The following EPHA4 variants were observed in gnomAD, a reference collection of about 807,000 sequenced individuals.
EPHA4 encodes EPH receptor A4.
A neutral mutation model predicts 108.3 loss-of-function variants in EPHA4; 19 were observed. The observed-to-expected ratio is 0.18, with a 90% CI of 0.12 to 0.26. EPHA4 has a LOEUF of 0.26. Among genes scored for constraint, EPHA4 ranks in the 10% least tolerant of loss-of-function variants. The probability of loss-of-function intolerance (pLI) is 1.00; values close to 1 mark genes in which losing one functional copy is unlikely to be tolerated. For missense variants in EPHA4, 917 were observed against 1,254.0 expected, an observed-to-expected ratio of 0.73 and a Z score of 4.06; for synonymous variants, 449 against 455.5, an observed-to-expected ratio of 0.99 and a Z score of 0.18.
chr2:221,474,991 C>T (rs970723319), intron 5 of EPHA4, among the ~76,000 whole-genome samples: 1 of 152,128 alleles, frequency 6.6e-6, no homozygotes, highest in Admixed American at 6.6e-5. Context: ...GTGCCTCAGT[C>T]TCCTGAGTAG....
intron 3 of EPHA4, among the ~76,000 whole-genome samples, chr2:221,524,192 C>T (rs185861546): frequency 3.3e-5 from 5 of 152,320 alleles, no homozygotes; most frequent in Admixed American, 1.3e-4. Flanking sequence ...TGTCCAGCCA[C>T]GTCCGTGTGC....
chr2:221,522,766 TATTA>T (rs1559278114), intron 3 of EPHA4, among the ~76,000 whole-genome samples: 32 of 91,716 alleles, frequency 3.5e-4, no homozygotes, highest in African/African-American at 1.5e-3. Flanking sequence ...TTATTATTAT[TATTA>T]TTATTTTTTT....
At chr2:221,480,065 C>T (rs1456883692) in intron 5 of EPHA4, among the ~76,000 whole-genome samples, 1 of 150,708 alleles carries the variant, frequency 6.6e-6, no homozygotes, top group Non-Finnish European at 1.5e-5. Flanking sequence ...CCACCCCACC[C>T]CCGGAAATGT....
intron 3 of EPHA4, among the ~76,000 whole-genome samples, chr2:221,546,941 T>A (rs1336760467): frequency 6.6e-6 from 1 of 151,902 alleles, no homozygotes. Flanking sequence ...GCTAAGAGGC[T>A]AAAAAAATAA....
At position 221,419,473 on chromosome 2, in the gene EPHA4, A is replaced by C. The variant is rs765686968; in HGVS notation, c.*1899T>G. ...TCATCTCCAAAAGTATATGAATTGC[A>C]TATATTCGTTCGCATTCAACAAGTC... On this transcript the variant is annotated 3_prime_UTR_variant, in exon 18 of 18. Transcript: ENST00000281821. The C allele has an allele frequency of 3.3e-5, 5 of 152,666 alleles. No individual in the cohort carries two copies. The highest frequency in any genetic ancestry group is 5.9e-5 in the Non-Finnish European group (4 of 68,056). The allele number at this position is 152,666 out of a possible 1,614,324, so 9.5% of individuals were successfully genotyped here. A position where few individuals can be genotyped will look rare whatever the true frequency, so the allele number is the denominator to read the frequency against.
At chr2:221,564,533 A>T in intron 2 of EPHA4, 139 bp from the exon 3 acceptor site, 1 of 817,734 alleles carries the variant, frequency 1.2e-6, no homozygotes, top group Middle Eastern at 2.5e-4. Context: ...ATCATCACTA[A>T]TAAAGGATCT....
chr2:221,559,579 A>C (rs941045157), intron 3 of EPHA4, among the ~76,000 whole-genome samples: 5 of 152,336 alleles, frequency 3.3e-5, no homozygotes, highest in Admixed American at 2.0e-4. Context: ...TAAATTAAAA[A>C]AAAATTTAAT....
chr2:221,426,706 G>A, intron 15 of EPHA4, 87 bp from the exon 16 acceptor site: 1 of 1,212,262 alleles, frequency 8.2e-7, no homozygotes, highest in Admixed American at 2.8e-5. Context: ...AAATAGGCAA[G>A]GAGAACTGAA....
chr2:221,433,094 G>A (rs1389168967), intron 14 of EPHA4, among the ~76,000 whole-genome samples: 1 of 152,104 alleles, frequency 6.6e-6, no homozygotes, highest in African/African-American at 2.4e-5. Context: ...AAAGTGCTGG[G>A]ATTACAGGCG....
chr2:221,549,480 GAGTA>G, intron 3 of EPHA4, among the ~76,000 whole-genome samples: 1 of 152,144 alleles, frequency 6.6e-6, no homozygotes, highest in Non-Finnish European at 1.5e-5. Flanking sequence ...ATAAAAAGGA[GAGTA>G]AAGCACCACA....
intron 17 of EPHA4, among the ~76,000 whole-genome samples, chr2:221,424,778 T>C (rs183714996): frequency 2.6e-4 from 39 of 152,348 alleles, no homozygotes; most frequent in African/African-American, 9.1e-4. Context: ...ACTTCTCCAT[T>C]GAGGTAAACT....
chr2:221,502,337 G>A (rs1692510847), intron 3 of EPHA4, among the ~76,000 whole-genome samples: 1 of 151,924 alleles, frequency 6.6e-6, no homozygotes, highest in Non-Finnish European at 1.5e-5. Context: ...TAACACCAGA[G>A]GTTCAAAGAA....
chr2:221,560,353 C>T (rs747837131), intron 3 of EPHA4, among the ~76,000 whole-genome samples: 1 of 152,106 alleles, frequency 6.6e-6, no homozygotes, highest in Non-Finnish European at 1.5e-5. Flanking sequence ...TCTTTACACC[C>T]TCTTTCTTGT....
intron 3 of EPHA4, among the ~76,000 whole-genome samples, chr2:221,551,853 AAAC>A (rs2106199379): frequency 6.6e-6 from 1 of 152,134 alleles, no homozygotes; most frequent in East Asian, 1.9e-4. Flanking sequence ...TTTCTTACAA[AAAC>A]AACCACACTC....
intron 4 of EPHA4, among the ~76,000 whole-genome samples, chr2:221,491,045 A>T (rs1692127903): frequency 6.6e-6 from 1 of 152,172 alleles, no homozygotes; most frequent in Non-Finnish European, 1.5e-5. Flanking sequence ...TTGGCTTCCT[A>T]TAGAGGTTCA....
At position 221,506,760 on chromosome 2, in the gene EPHA4, A is replaced by G. The variant is rs10208678; in HGVS notation, c.824-5588T>C. On this transcript the variant is annotated intron_variant, in intron 3 of 17. Transcript: ENST00000281821. ...AAATCATCTCATCCAGGAATGGGCAAACATTTCTGTAAAGAGCCAGAGGCC... is the reference window on the plus strand; with the variant it reads ...AAATCATCTCATCCAGGAATGGGCAGACATTTCTGTAAAGAGCCAGAGGCC... Among the ~76,000 whole-genome samples the G allele has an allele frequency of 5.3e-3, 811 of 152,342 alleles. 8 individuals are homozygous for G. The highest frequency in any genetic ancestry group is 0.019 in the African/African-American group (774 of 41,578).
intron 11 of EPHA4, among the ~76,000 whole-genome samples, chr2:221,439,330 C>CA (rs56154778): frequency 0.088 from 11,441 of 129,304 alleles, 516 homozygotes; most frequent in African/African-American, 0.093. Context: ...GTTTTCTACT[C>CA]AAAAAAAAAA....
rs747624251 is a variant in EPHA4, at chr2:221,501,188, A to G, written c.824-16T>C. The G allele has an allele frequency of 6.4e-7, 1 of 1,554,902 alleles. No homozygotes were observed. Among genetic ancestry groups the G allele is most frequent in the Non-Finnish European group, 8.7e-7 (1 of 1,153,114 alleles). ...ATTTTGCAAGCTGCAGGGAAGAAGA[A>G]AAAAACAAACAAATAGAAACCACTG... is the stretch of plus-strand genomic sequence containing the variant. On this transcript the variant is annotated splice_polypyrimidine_tract_variant and intron_variant, in intron 3 of 17. Coordinates refer to ENST00000281821, the MANE Select transcript of EPHA4 (RefSeq NM_004438.5).
At chr2:221,566,036 A>C (rs183848579) in intron 2 of EPHA4, among the ~76,000 whole-genome samples, 183 of 152,334 alleles carry the variant, frequency 1.2e-3, no homozygotes, top group Non-Finnish European at 2.0e-3. Context: ...TATATTTCAC[A>C]GTCAGTGTCA....
Sources: allele counts gnomAD v4.1 joint callset (sites outside exome capture counted in the v4.1 genomes callset), GRCh38; gene constraint gnomAD v4.1.1; transcripts MANE v1.5; gene names NCBI Gene and HGNC (gene_info 2026-07-23, HGNC 2026-07-21).